Variants in STPG2 observed in about 807,000 individuals in gnomAD.
STPG2 encodes sperm tail PG-rich repeat containing 2.
Under a neutral mutation model 54.2 loss-of-function variants are expected in STPG2, and 56 were observed. The ratio of observed to expected loss-of-function variants is 1.03; its 90% CI spans 0.83 to 1.29. The LOEUF (loss-of-function observed/expected upper bound fraction) is 1.29. Ranked by LOEUF, STPG2 falls within the 50% of genes most tolerant of loss-of-function variation. The pLI is 0.00. For synonymous variants in STPG2, 200 were observed against 181.8 expected, an observed-to-expected ratio of 1.10 and a Z score of -0.81; for missense variants, 596 against 544.9, an observed-to-expected ratio of 1.09 and a Z score of -0.93.
chr4:97,785,688 AAAC>A (rs1483164224), intron 9 of STPG2, among the ~76,000 whole-genome samples: 8 of 152,142 alleles, frequency 5.3e-5, no homozygotes, highest in African/African-American at 1.2e-4. Flanking sequence ...AACAAAACAA[AAAC>A]AACAACAAAA....
intron 9 of STPG2, among the ~76,000 whole-genome samples, chr4:97,829,780 T>C (rs1053729334): frequency 1.3e-5 from 2 of 151,728 alleles, no homozygotes; most frequent in East Asian, 3.9e-4. Flanking sequence ...ATATCAGAGA[T>C]TGAAGATCAA....
intron 5 of STPG2, among the ~76,000 whole-genome samples, chr4:98,066,399 G>A: frequency 6.6e-6 from 1 of 152,096 alleles, no homozygotes; most frequent in East Asian, 1.9e-4. Context: ...TACCAGCCTG[G>A]CCAACATGGT....
chr4:97,853,528 T>C (rs1729235839), intron 8 of STPG2, among the ~76,000 whole-genome samples: 1 of 152,162 alleles, frequency 6.6e-6, no homozygotes, highest in South Asian at 2.1e-4. Context: ...TAAATGTTTC[T>C]TGATTAAATA....
intron 10 of STPG2, among the ~76,000 whole-genome samples, chr4:97,682,616 T>C (rs751420395): frequency 6.6e-6 from 1 of 151,842 alleles, no homozygotes; most frequent in Non-Finnish European, 1.5e-5. Context: ...CTGTAATATA[T>C]GTCCAGCACT....
intron 8 of STPG2, among the ~76,000 whole-genome samples, chr4:97,873,264 TC>T: frequency 2.6e-5 from 4 of 151,108 alleles, no homozygotes; most frequent in African/African-American, 9.7e-5. Flanking sequence ...AACTCCTTTC[TC>T]TAATAATAAG....
chr4:97,479,758 T>C (rs894840108), intron 4 of STPG2, among the ~76,000 whole-genome samples: 2 of 151,914 alleles, frequency 1.3e-5, no homozygotes, highest in Non-Finnish European at 2.9e-5. Flanking sequence ...TACTCTCTTT[T>C]ATTCAACTCC....
intron 10 of STPG2, among the ~76,000 whole-genome samples, chr4:97,691,757 G>A (rs1025089931): frequency 3.9e-5 from 6 of 152,090 alleles, no homozygotes; most frequent in Non-Finnish European, 7.4e-5. Flanking sequence ...ACCAGTCCAC[G>A]TAACAAGGTT....
chr4:97,797,048 AC>A (rs1401735908), intron 9 of STPG2, among the ~76,000 whole-genome samples: 15 of 152,276 alleles, frequency 9.9e-5, no homozygotes, highest in African/African-American at 3.6e-4. Context: ...GTATCCTGAG[AC>A]TTTGCTGAAG....
rs1728780980 is a variant in STPG2, at chr4:97,840,878, C to G, written c.1099G>C (p.Val367Leu). The G allele has an allele frequency of 6.2e-7, 1 of 1,611,972 alleles. No individual in the cohort carries two copies. The highest frequency in any genetic ancestry group is 8.5e-7 in the Non-Finnish European group (1 of 1,178,590). The change falls in exon 9 of 11, where the codon GTT (valine) becomes CTT (leucine). Residue 367 changes from valine (V) to leucine (L), a missense_variant. Transcript: ENST00000295268. Reference protein sequence around the residue: ...DVHKSYEMSQVKHKYMPPRSL... With the variant: ...DVHKSYEMSQLKHKYMPPRSL... ...CGAGGTGGCATATATTTATGCTTAA[C>G]TTGGGACATCTCATATGATTTGTGA...
At chr4:97,967,890 G>T (rs947801673) in intron 7 of STPG2, among the ~76,000 whole-genome samples, 5 of 152,022 alleles carry the variant, frequency 3.3e-5, no homozygotes, top group Admixed American at 3.3e-4. Context: ...ACTACTAAAT[G>T]CCCACAAGAG....
At chr4:97,560,477 C>T (rs1431583887) in intron 10 of STPG2, among the ~76,000 whole-genome samples, 1 of 152,112 alleles carries the variant, frequency 6.6e-6, no homozygotes, top group African/African-American at 2.4e-5. Context: ...ACTAGGTACT[C>T]TTTGTAAATG....
intron 9 of STPG2, among the ~76,000 whole-genome samples, chr4:97,742,680 A>C (rs1197732442): frequency 6.6e-6 from 1 of 151,428 alleles, no homozygotes; most frequent in African/African-American, 2.4e-5. Context: ...CAGAAAAGCA[A>C]ATACTGCATG....
chr4:97,990,943 G>T (rs965914913), intron 5 of STPG2, among the ~76,000 whole-genome samples: 2 of 151,938 alleles, frequency 1.3e-5, no homozygotes, highest in Non-Finnish European at 2.9e-5. Context: ...AGGTTTTTGG[G>T]AAACAGATGT....
chr4:97,935,660 G>A (rs918360365), intron 8 of STPG2, among the ~76,000 whole-genome samples: 1 of 152,134 alleles, frequency 6.6e-6, no homozygotes, highest in African/African-American at 2.4e-5. Context: ...TACATGAGCA[G>A]GATGTTCAAC....
chr4:97,759,664 A>G (rs537083572), intron 9 of STPG2, among the ~76,000 whole-genome samples: 1 of 152,270 alleles, frequency 6.6e-6, no homozygotes, highest in South Asian at 2.1e-4. Context: ...GAATTCATAT[A>G]AAACTGAAAA....
chr4:98,131,009 T>C (rs1739979742), intron 2 of STPG2, among the ~76,000 whole-genome samples: 1 of 150,114 alleles, frequency 6.7e-6, no homozygotes. Context: ...CTCCCTTCGC[T>C]CCTGTACTCC....
intron 10 of STPG2, among the ~76,000 whole-genome samples, chr4:97,649,544 A>C (rs1158887483): frequency 6.6e-6 from 1 of 152,140 alleles, no homozygotes; most frequent in African/African-American, 2.4e-5. Context: ...GAAGCTGAAA[A>C]CAGCAGAGGG....
chr4:97,899,775 A>C (rs1163222524), intron 8 of STPG2, among the ~76,000 whole-genome samples: 2 of 152,160 alleles, frequency 1.3e-5, no homozygotes, highest in Non-Finnish European at 2.9e-5. Context: ...TACATGCAGA[A>C]TATTGAAGCT....
At chr4:97,944,104 A>G (rs1733107861) in intron 7 of STPG2, 97 bp from the exon 8 acceptor site, 3 of 768,626 alleles carry the variant, frequency 3.9e-6, no homozygotes, top group Non-Finnish European at 6.5e-6. Context: ...CATCAGTATT[A>G]TCTGGCATTA....
Sources: gnomAD v4.1 joint callset for allele counts (sites outside exome capture counted in the v4.1 genomes callset) on GRCh38, gnomAD v4.1.1 for gene constraint, MANE v1.5 for transcripts, NCBI Gene and HGNC (gene_info 2026-07-23, HGNC 2026-07-21) for gene names.